The following RTN4RL1 variants were observed in gnomAD, a reference collection of about 807,000 sequenced individuals.
RTN4RL1 encodes reticulon 4 receptor like 1.
Under a neutral mutation model 25.6 loss-of-function variants are expected in RTN4RL1, and 7 were observed. The ratio of observed to expected loss-of-function variants is 0.27; its 90% CI spans 0.16 to 0.51. The LOEUF is 0.51. Among genes scored for constraint, RTN4RL1 ranks in the 20% least tolerant of loss-of-function variants. RTN4RL1 has a pLI of 0.97. For missense variants in RTN4RL1, 500 were observed against 615.6 expected (o/e 0.81, Z 1.99); for synonymous variants, 297 against 288.2 (o/e 1.03, Z -0.31).
rs1357201061 is a variant in RTN4RL1, at chr17:1,998,408, CG to C, written c.13+26444del. 6.6e-6 allele frequency among the ~76,000 whole-genome samples: 1 copy of C among 151,946 alleles called. No individual in the cohort carries two copies. Among genetic ancestry groups the C allele is most frequent in the East Asian group, 1.9e-4 (1 of 5,168 alleles). On this transcript the variant is annotated intron_variant, in intron 1 of 1. Coordinates refer to ENST00000331238, the MANE Select transcript of RTN4RL1 (RefSeq NM_178568.4). This position sits in a 1 kb window ranked among gnomAD's most constrained non-coding sequence, Gnocchi z 4.9. ...GGGTTACCGCGCGGGGAGCCGCGGCCGCGCTGGGATCCGTTCCCTCTCGCGG... is the reference window on the plus strand; with the variant it reads ...GGGTTACCGCGCGGGGAGCCGCGGCCCGCTGGGATCCGTTCCCTCTCGCGG...
chr17:2,013,896 C>A (rs916304510), intron 1 of RTN4RL1, among the ~76,000 whole-genome samples: 1 of 152,108 alleles, frequency 6.6e-6, no homozygotes. Context: ...CTTTGAGGTG[C>A]GGGTTCTAGA....
rs78677411 is a variant in RTN4RL1, at chr17:1,956,588, T to C, written c.14-18780A>G. On this transcript the variant is annotated intron_variant, in intron 1 of 1. Transcript: ENST00000331238. Reference sequence around the variant, plus strand: ...ATCCCACTGCATGGACAGACTGTAATTTATTTATCCGTGAAAGAGTTAGAT... The same window carrying C: ...ATCCCACTGCATGGACAGACTGTAACTTATTTATCCGTGAAAGAGTTAGAT... Among the ~76,000 whole-genome samples, 274 of 152,266 alleles carry C rather than the reference T, an allele frequency of 1.8e-3. 1 individual carries two copies. The highest frequency in any genetic ancestry group is 6.3e-3 in the African/African-American group (261 of 41,536).
In RTN4RL1 at chr17:1,949,123, AT is replaced by A. The variant is rs373598895; in HGVS notation, c.14-11316del. Among the ~76,000 whole-genome samples the A allele has an allele frequency of 2.8e-3, 420 of 147,494 alleles. 3 individuals are homozygous for A. Among genetic ancestry groups the A allele is most frequent in the African/African-American group, 8.4e-3 (339 of 40,474 alleles). ...AGGCGCCTGCCACGACACCTGGCTA[AT>A]TTTTTTTTTTGTATTTTTAGTAGAG... On this transcript the variant is annotated intron_variant, in intron 1 of 1. Coordinates refer to ENST00000331238, the MANE Select transcript of RTN4RL1 (RefSeq NM_178568.4).
At chr17:2,010,677 C>G (rs998977140) in intron 1 of RTN4RL1, among the ~76,000 whole-genome samples, 1 of 152,064 alleles carries the variant, frequency 6.6e-6, no homozygotes, top group Non-Finnish European at 1.5e-5. Context: ...CCCACCTCAG[C>G]CTCCCAAATA....
intron 1 of RTN4RL1, among the ~76,000 whole-genome samples, chr17:1,967,465 C>T (rs2066797017): frequency 6.6e-6 from 1 of 152,060 alleles, no homozygotes; most frequent in African/African-American, 2.4e-5. Context: ...ACCCGCCCAA[C>T]CCAAATCTCC....
At chr17:1,969,032 C>T (rs2066805796) in intron 1 of RTN4RL1, among the ~76,000 whole-genome samples, 3 of 142,916 alleles carry the variant, frequency 2.1e-5, no homozygotes. Context: ...ACAAGTCAGA[C>T]TCGTGGGGGA....
chr17:1,939,263 G>C (rs1225479688), intron 1 of RTN4RL1, among the ~76,000 whole-genome samples: 1 of 152,004 alleles, frequency 6.6e-6, no homozygotes, highest in East Asian at 1.9e-4. Flanking sequence ...TGAGGCAGGA[G>C]AATAGCGTGA....
chr17:1,952,552 T>G (rs1455662476), intron 1 of RTN4RL1, among the ~76,000 whole-genome samples: 1 of 151,434 alleles, frequency 6.6e-6, no homozygotes, highest in Non-Finnish European at 1.5e-5. Flanking sequence ...ATCATGTTGG[T>G]GAGACTGGTC....
rs1463046129 is a variant in RTN4RL1, at chr17:1,994,722, G to A, written c.13+30131C>T. 6.6e-6 allele frequency among the ~76,000 whole-genome samples: 1 copy of A among 152,124 alleles called. No individual in the cohort carries two copies. The highest frequency in any genetic ancestry group is 2.4e-5 in the African/African-American group (1 of 41,424). The stretch of plus-strand genomic sequence containing the variant: ...AGGCTCTGCTGCCTCCCACCTCCAA[G>A]CCTCAGTTTCCTTCTCTAGGAAAGG... On this transcript the variant is annotated intron_variant, in intron 1 of 1. Transcript: ENST00000331238. The surrounding 1 kb of genome is among the most constrained non-coding windows in gnomAD (Gnocchi z 4.3).
chr17:2,010,434 G>C (rs946688386), intron 1 of RTN4RL1, among the ~76,000 whole-genome samples: 1 of 152,146 alleles, frequency 6.6e-6, no homozygotes, highest in Non-Finnish European at 1.5e-5. Context: ...CCAAGATCTT[G>C]CCACTGCACT....
At chr17:1,942,534 C>T (rs149274922) in intron 1 of RTN4RL1, among the ~76,000 whole-genome samples, 1 of 152,240 alleles carries the variant, frequency 6.6e-6, no homozygotes, top group Non-Finnish European at 1.5e-5. Context: ...ATCCCCGTGC[C>T]ACCTGCCAAC....
chr17:2,011,950 G>T (rs951179436), intron 1 of RTN4RL1, among the ~76,000 whole-genome samples: 19 of 152,092 alleles, frequency 1.2e-4, no homozygotes, highest in African/African-American at 4.6e-4. Context: ...TAAACCGCAG[G>T]CCTGAGCAAC....
intron 1 of RTN4RL1, among the ~76,000 whole-genome samples, chr17:1,977,189 A>C (rs1457691156): frequency 6.6e-6 from 1 of 152,254 alleles, no homozygotes; most frequent in Non-Finnish European, 1.5e-5. Context: ...AAGAAAACAG[A>C]AGTGCAAAAA....
At chr17:1,968,769 G>GTA (rs1567512730) in intron 1 of RTN4RL1, among the ~76,000 whole-genome samples, 1 of 151,680 alleles carries the variant, frequency 6.6e-6, no homozygotes, top group Non-Finnish European at 1.5e-5. Flanking sequence ...CATTGCACTT[G>GTA]TTCTTTGAAC....
At chr17:1,947,447 C>A (rs1915580111) in intron 1 of RTN4RL1, among the ~76,000 whole-genome samples, 1 of 150,732 alleles carries the variant, frequency 6.6e-6, no homozygotes, top group Non-Finnish European at 1.5e-5. Context: ...CAGAGCCACC[C>A]ATCCCAGGTC....
At chr17:1,940,991 G>C (rs185226931) in intron 1 of RTN4RL1, among the ~76,000 whole-genome samples, 48 of 152,302 alleles carry the variant, frequency 3.2e-4, no homozygotes, top group African/African-American at 1.1e-3. Flanking sequence ...GCAGGGGGAC[G>C]GGGTGATATG....
chr17:1,995,217 G>A (rs111357010), intron 1 of RTN4RL1, among the ~76,000 whole-genome samples: 1,668 of 152,262 alleles, frequency 0.011, 33 homozygotes, highest in African/African-American at 0.038. Flanking sequence ...CCTGAGGACA[G>A]GAGTTTGAGA....
intron 1 of RTN4RL1, among the ~76,000 whole-genome samples, chr17:1,964,072 A>T (rs2066778133): frequency 6.6e-6 from 1 of 152,082 alleles, no homozygotes. Context: ...GGCAGGTGGG[A>T]GTCACTTGAG....
At position 1,966,952 on chromosome 17, in the gene RTN4RL1, T is replaced by C. The variant is rs143165071; in HGVS notation, c.14-29144A>G. Among the ~76,000 whole-genome samples the C allele has an allele frequency of 2.1e-3, 315 of 152,228 alleles. 1 individual carries two copies. Among genetic ancestry groups the C allele is most frequent in the African/African-American group, 7.2e-3 (301 of 41,524 alleles). On this transcript the variant is annotated intron_variant, in intron 1 of 1. Transcript: ENST00000331238. Reference sequence around the variant, plus strand: ...GGCCTGGCCCCTGGCCTTCCCAGCATCCTCACACATCCCTCCCAGAATTAT... The same window carrying C: ...GGCCTGGCCCCTGGCCTTCCCAGCACCCTCACACATCCCTCCCAGAATTAT...
Sources: allele counts gnomAD v4.1 joint callset (sites outside exome capture counted in the v4.1 genomes callset), GRCh38; gene constraint gnomAD v4.1.1; non-coding constraint Gnocchi (gnomAD v3.1); transcripts MANE v1.5; gene names NCBI Gene and HGNC (gene_info 2026-07-23, HGNC 2026-07-21).